MECR: variants seen among roughly 807,000 people sequenced by gnomAD.
MECR encodes the protein mitochondrial trans-2-enoyl-CoA reductase.
MECR carries 37 observed loss-of-function variants against 49.1 expected under a neutral mutation model. The observed-to-expected ratio is 0.75, with a 90% CI of 0.58 to 0.99. The LOEUF (loss-of-function observed/expected upper bound fraction) is 0.99. Among genes scored for constraint, MECR ranks in the 50% least tolerant of loss-of-function variants. The pLI, the probability that MECR is intolerant of heterozygous loss-of-function variation, is 0.00. For synonymous variants in MECR, 198 were observed against 191.1 expected (o/e 1.04, Z -0.30); for missense variants, 470 against 479.6 (o/e 0.98, Z 0.19).
At chr1:29,226,738 T>C (rs1312009155) in intron 1 of MECR, among the ~76,000 whole-genome samples, 1 of 152,102 alleles carries the variant, frequency 6.6e-6, no homozygotes, top group Non-Finnish European at 1.5e-5. Context: ...AATTTCCTTA[T>C]CTGTAAAGTG....
the MECR span, chr1:29,173,340 T>A: frequency 6.6e-6 from 1 of 151,730 alleles, no homozygotes; most frequent in South Asian, 2.1e-4. Flanking sequence ...GAGATAGGGT[T>A]TCACCATGTT....
rs575572689 is a variant in MECR, at chr1:29,202,485, T to G, written c.654-440A>C. The stretch of plus-strand genomic sequence containing the variant: ...ATTTTTGCGAGTACAACTGAGGAAC[T>G]GAAGCTGGTGTCGATTATACTAAGA... On this transcript the variant is annotated intron_variant, in intron 5 of 9. Transcript: ENST00000263702. Among the ~76,000 whole-genome samples the G allele has an allele frequency of 2.0e-5, 3 of 152,296 alleles. No individual in the cohort carries two copies. In the East Asian group the frequency reaches 5.8e-4, roughly 29 times the overall value.
At chr1:29,178,353 C>CTTCTATTTTTTTT in the MECR span, among the ~76,000 whole-genome samples, 4 of 127,906 alleles carry the variant, frequency 3.1e-5, no homozygotes, top group Non-Finnish European at 6.4e-5. Context: ...GTTTCAATTA[C>CTTCTATTTTTTTT]TTTTTTTTTT....
At chr1:29,182,166 G>A in the MECR span, among the ~76,000 whole-genome samples, 2 of 152,176 alleles carry the variant, frequency 1.3e-5, no homozygotes, top group African/African-American at 4.8e-5. Context: ...AGAGCCCAGC[G>A]AGCGAGCGTT....
chr1:29,228,273 G>T (rs1682607089), intron 1 of MECR, among the ~76,000 whole-genome samples: 1 of 150,456 alleles, frequency 6.6e-6, no homozygotes, highest in African/African-American at 2.4e-5. Context: ...TTTTATGTGG[G>T]CAAATACAAA....
chr1:29,194,271 C>G, intron 9 of MECR, 92 bp from the exon 10 acceptor site: 1 of 1,373,688 alleles, frequency 7.3e-7, no homozygotes. Context: ...GGAGCTGGCA[C>G]CAAGCTCCAA....
At chr1:29,208,837 A>G (rs1677248179) in intron 3 of MECR, among the ~76,000 whole-genome samples, 1 of 152,266 alleles carries the variant, frequency 6.6e-6, no homozygotes, top group African/African-American at 2.4e-5. Context: ...TAAATTATAA[A>G]GAGACAGGAA....
chr1:29,189,159 C>T (rs1036809815), downstream of MECR, among the ~76,000 whole-genome samples: 1 of 150,394 alleles, frequency 6.6e-6, no homozygotes, highest in African/African-American at 2.4e-5. Flanking sequence ...AGGGTGGTCT[C>T]GAACTGACCT....
Position 29,203,137 on chromosome 1 carries a change from C to G in MECR, c.647G>C (p.Arg216Pro), listed in dbSNP as rs770095142. The change falls in exon 5 of 10, where the codon CGA becomes CCA. Residue 216 changes from arginine (R) to proline (P), a missense_variant. Transcript: ENST00000263702. ...AGCCTCCTTCCCCACGCACCTGTCT[C>G]GGACCACATTGATGGTTCTTAGGCC... ...ALGLRTINVV[R>P]DRPDIQKLSD... 3 of 1,574,068 alleles carry G rather than the reference C, an allele frequency of 1.9e-6. No homozygotes were observed. Among genetic ancestry groups the G allele is most frequent in the Non-Finnish European group, 1.7e-6 (2 of 1,156,494 alleles).
At chr1:29,218,079 T>TC (rs1288374887) in intron 1 of MECR, among the ~76,000 whole-genome samples, 6 of 142,704 alleles carry the variant, frequency 4.2e-5, no homozygotes, top group Non-Finnish European at 6.5e-5. Context: ...GGAAGCCTCT[T>TC]CCATGTTAAG....
rs190509198 is a variant in MECR at position 29,193,147 on chromosome 1, G to A, written c.*875C>T. ...TTTTGTAGAGATGGTGTTTCACCAC[G>A]TTACCTAGGTTGACCTTGAACTCCT... On this transcript the variant is annotated 3_prime_UTR_variant, in exon 10 of 10. Transcript: ENST00000263702. The A allele has an allele frequency of 3.2e-5, 6 of 186,108 alleles. No homozygotes were observed. The highest frequency in any genetic ancestry group is 8.5e-5 in the Admixed American group (2 of 23,598). 11.5% of individuals were successfully genotyped at this position (186,108 alleles called of 1,614,324 possible).
intron 7 of MECR, among the ~76,000 whole-genome samples, chr1:29,198,048 C>T (rs974367107): frequency 6.6e-6 from 1 of 152,178 alleles, no homozygotes; most frequent in African/African-American, 2.4e-5. Context: ...AACTGTTCCG[C>T]CTCAGATTCT....
At chr1:29,196,518 C>T (rs1674042190) in intron 7 of MECR, among the ~76,000 whole-genome samples, 2 of 151,156 alleles carry the variant, frequency 1.3e-5, no homozygotes, top group Non-Finnish European at 3.0e-5. Flanking sequence ...GAGACCCCAT[C>T]TCTACAAAAA....
chr1:29,219,746 T>C (rs1680306622), intron 1 of MECR, among the ~76,000 whole-genome samples: 1 of 152,238 alleles, frequency 6.6e-6, no homozygotes, highest in Non-Finnish European at 1.5e-5. Context: ...ACATGAATGT[T>C]TCTGCAGCAA....
intron 3 of MECR, among the ~76,000 whole-genome samples, chr1:29,212,688 G>T (rs542279763): frequency 6.6e-6 from 1 of 152,170 alleles, no homozygotes; most frequent in South Asian, 2.1e-4. Flanking sequence ...CTGGCTTTCT[G>T]CCTCCACCCT....
At chr1:29,229,901 C>G (rs72649275) in intron 1 of MECR, among the ~76,000 whole-genome samples, 1 of 152,124 alleles carries the variant, frequency 6.6e-6, no homozygotes, top group Non-Finnish European at 1.5e-5. Flanking sequence ...TTATCAACCA[C>G]GTGCAAAAAG....
intron 3 of MECR, among the ~76,000 whole-genome samples, chr1:29,209,486 G>C (rs1677417393): frequency 6.6e-6 from 1 of 152,136 alleles, no homozygotes; most frequent in Non-Finnish European, 1.5e-5. Flanking sequence ...CTGTGGAGTG[G>C]GGAGGGGCAG....
At chr1:29,216,348 A>C (rs1361786056) in intron 2 of MECR, among the ~76,000 whole-genome samples, 1 of 152,168 alleles carries the variant, frequency 6.6e-6, no homozygotes, top group East Asian at 1.9e-4. Flanking sequence ...TATGAAATGA[A>C]ACCAGCATGT....
At chr1:29,192,549 A>G (rs1040192792), downstream of MECR, among the ~76,000 whole-genome samples, 7 of 152,064 alleles carry the variant, frequency 4.6e-5, no homozygotes, top group African/African-American at 1.4e-4. Flanking sequence ...CACTTCTTTC[A>G]TTGGTATCCT....
Sources: gnomAD v4.1 joint callset for allele counts (sites outside exome capture counted in the v4.1 genomes callset) on GRCh38, gnomAD v4.1.1 for gene constraint, MANE v1.5 for transcripts, NCBI Gene and HGNC (gene_info 2026-07-23, HGNC 2026-07-21) for gene names.